The following COG6 variants were observed in gnomAD, a reference collection of about 807,000 sequenced individuals.
COG6 encodes the protein component of oligomeric golgi complex 6.
COG6 carries 74 observed loss-of-function variants against 88.8 expected under a neutral mutation model. The observed-to-expected ratio is 0.83, with a 90% CI of 0.69 to 1.01. COG6 has a LOEUF of 1.01. COG6 is among the 50% of genes least tolerant of loss of function. The pLI is 0.00. For synonymous variants in COG6, 286 were observed against 278.7 expected, an observed-to-expected ratio of 1.03 and a Z score of -0.26; for missense variants, 800 against 797.9, an observed-to-expected ratio of 1.00 and a Z score of -0.03.
In COG6 at chr13:39,751,861, G is replaced by A. The variant is rs1880653565; in HGVS notation, c.*768G>A. On this transcript the variant is annotated 3_prime_UTR_variant, in exon 19 of 19. Transcript: ENST00000455146. ...TGAGCTCTAAGCATGTAGATAGCCT[G>A]AGCTGTGTCTAAGCCTGGTGTTTAA... The A allele has an allele frequency of 7.8e-7, 1 of 1,287,088 alleles. No individual in the cohort carries two copies. The highest frequency in any genetic ancestry group is 1.0e-6 in the Non-Finnish European group (1 of 988,600). The allele number at this position is 1,287,088 out of a possible 1,614,324, so 79.7% of individuals were successfully genotyped here. A position where few individuals can be genotyped will look rare whatever the true frequency, so the allele number is the denominator to read the frequency against.
At chr13:39,696,897 GAAATGGT>G (rs1877306491) in intron 12 of COG6, among the ~76,000 whole-genome samples, 1 of 149,748 alleles carries the variant, frequency 6.7e-6, no homozygotes, top group Non-Finnish European at 1.5e-5. Flanking sequence ...GATGGTCTTA[GAAATGGT>G]AAACAGTAGT....
chr13:39,699,642 T>A, intron 13 of COG6, 24 bp downstream of exon 13: 1 of 1,010,038 alleles, frequency 9.9e-7, no homozygotes, highest in Non-Finnish European at 1.6e-6. Flanking sequence ...ATGTAATTAT[T>A]AAATTATGTG....
At chr13:39,713,016 T>C (rs900554314) in intron 13 of COG6, among the ~76,000 whole-genome samples, 4 of 152,206 alleles carry the variant, frequency 2.6e-5, no homozygotes, top group African/African-American at 9.6e-5. Context: ...TTTCTTCAAC[T>C]TTCTGTCAGT....
chr13:39,784,524 G>T (rs1881718465), intron 18 of COG6, among the ~76,000 whole-genome samples: 1 of 152,234 alleles, frequency 6.6e-6, no homozygotes, highest in Non-Finnish European at 1.5e-5. Context: ...TTAGAACACA[G>T]TAGACAGTTC....
At chr13:39,738,007 C>T (rs1015545307) in intron 18 of COG6, among the ~76,000 whole-genome samples, 1 of 152,170 alleles carries the variant, frequency 6.6e-6, no homozygotes, top group Admixed American at 6.5e-5. Context: ...AATTCTCTCT[C>T]CGCGCCATGC....
At chr13:39,714,372 C>T (rs991301669) in intron 13 of COG6, among the ~76,000 whole-genome samples, 3 of 151,210 alleles carry the variant, frequency 2.0e-5, no homozygotes, top group East Asian at 3.9e-4. Context: ...TTGCAAACTA[C>T]GTATCTGAAA....
chr13:39,671,645 A>G (rs915190405), intron 4 of COG6, among the ~76,000 whole-genome samples: 2 of 151,962 alleles, frequency 1.3e-5, no homozygotes, highest in African/African-American at 2.4e-5. Context: ...GCTATCATGT[A>G]TGTGTATGTT....
chr13:39,708,271 TG>T (rs1878052138), intron 13 of COG6, among the ~76,000 whole-genome samples: 1 of 152,242 alleles, frequency 6.6e-6, no homozygotes. Flanking sequence ...AACATGTGTT[TG>T]GATACAAGTC....
At chr13:39,762,248 T>C (rs911543653) in intron 18 of COG6, among the ~76,000 whole-genome samples, 1 of 151,866 alleles carries the variant, frequency 6.6e-6, no homozygotes, top group Non-Finnish European at 1.5e-5. Flanking sequence ...GTATATTTAG[T>C]GAAATAAGCC....
intron 4 of COG6, among the ~76,000 whole-genome samples, chr13:39,676,190 T>C (rs1341666571): frequency 6.6e-6 from 1 of 152,048 alleles, no homozygotes; most frequent in African/African-American, 2.4e-5. Context: ...CTCCCCACTA[T>C]CTTCCCCAAC....
intron 13 of COG6, among the ~76,000 whole-genome samples, chr13:39,713,744 A>G (rs998204963): frequency 6.6e-6 from 1 of 152,206 alleles, no homozygotes; most frequent in East Asian, 1.9e-4. Flanking sequence ...TCAAAAAAAA[A>G]GAAAAAGAAA....
chr13:39,791,648 T>C (rs1377417187), exon 19 of COG6: 2 of 152,014 alleles, frequency 1.3e-5, no homozygotes, highest in African/African-American at 4.8e-5. Context: ...ATTTTAAATA[T>C]ATGGTTAATA....
intron 18 of COG6, among the ~76,000 whole-genome samples, chr13:39,766,867 CA>C (rs890213544): frequency 2.6e-5 from 4 of 152,132 alleles, no homozygotes; most frequent in African/African-American, 9.7e-5. Context: ...TCTGAAGAAT[CA>C]ACAGAGTATT....
In COG6 at chr13:39,655,810, G is replaced by C. The variant is rs374783198; in HGVS notation, c.84G>C (p.Ser28=). The C allele has an allele frequency of 9.4e-6, 15 of 1,599,910 alleles. No homozygotes were observed. In the Admixed American group the frequency reaches 1.9e-4, roughly 20 times the overall value. Residue 28 remains serine, a synonymous_variant, in exon 1 of 19, where the codon TCG becomes TCC. Transcript: ENST00000455146. ...NGLNNGAGGT[S]ATTCNPLSRK... ...TCAACAATGGGGCAGGCGGGACCTC[G>C]GCGACGACCTGCAACCCGCTGTCGC... is the stretch of plus-strand genomic sequence containing the variant.
rs958752916 is a variant in COG6, at chr13:39,744,118, C to T, written c.1827-6828C>T. 3.6e-4 allele frequency among the ~76,000 whole-genome samples: 55 copies of T among 152,112 alleles called. 1 individual carries two copies. The highest frequency in any genetic ancestry group is 5.9e-5 in the Non-Finnish European group (4 of 68,032). ...GGAATGTGTCTTAAAATAATAAGAG[C>T]TATTTATGACAAACCCACAGCCAAT... On this transcript the variant is annotated intron_variant, in intron 18 of 18. Transcript: ENST00000455146.
chr13:39,752,087 A>G lies in COG6; in HGVS notation c.*994A>G. 1 of 1,285,036 alleles carries G rather than the reference A, an allele frequency of 7.8e-7. No homozygotes were observed. Among genetic ancestry groups the G allele is most frequent in the Non-Finnish European group, 1.0e-6 (1 of 987,172 alleles). The allele number at this position is 1,285,036 out of a possible 1,614,324, so 79.6% of individuals were successfully genotyped here. The stretch of plus-strand genomic sequence containing the variant: ...AGACCATTACCTATTAGGAAGATTA[A>G]AAATGACTGTATTTTTAAAGGAATA... On this transcript the variant is annotated 3_prime_UTR_variant, in exon 19 of 19. Transcript: ENST00000455146.
At chr13:39,736,563 T>TA (rs1566033889) in intron 18 of COG6, among the ~76,000 whole-genome samples, 218 of 152,208 alleles carry the variant, frequency 1.4e-3, no homozygotes, top group African/African-American at 4.7e-3. Context: ...TAGTGGTGCA[T>TA]GCCTGTAATC....
chr13:39,780,592 A>G (rs1881600199), intron 18 of COG6, among the ~76,000 whole-genome samples: 1 of 152,244 alleles, frequency 6.6e-6, no homozygotes, highest in South Asian at 2.1e-4. Context: ...TTAATAGAAG[A>G]CTTGGCTTTA....
At chr13:39,712,028 T>C (rs1373863804) in intron 13 of COG6, among the ~76,000 whole-genome samples, 1 of 152,026 alleles carries the variant, frequency 6.6e-6, no homozygotes, top group East Asian at 1.9e-4. Flanking sequence ...CCCAGCTAAT[T>C]TTTGTATTTT....
Sources: gnomAD v4.1 joint callset for allele counts (sites outside exome capture counted in the v4.1 genomes callset) on GRCh38, gnomAD v4.1.1 for gene constraint, MANE v1.5 for transcripts, NCBI Gene and HGNC (gene_info 2026-07-23, HGNC 2026-07-21) for gene names.